Variants in TMEM205 observed in about 807,000 individuals in gnomAD.
TMEM205 encodes the protein MBC3205.
Under a neutral mutation model 17.9 loss-of-function variants are expected in TMEM205, and 11 were observed. The observed-to-expected ratio is 0.61, with a 90% CI of 0.39 to 1.02. TMEM205 has a LOEUF of 1.02. Among genes scored for constraint, TMEM205 ranks in the 50% least tolerant of loss-of-function variants. TMEM205 has a pLI of 0.01. For missense variants in TMEM205, 236 were observed against 239.4 expected (o/e 0.99, Z 0.09); for synonymous variants, 86 against 97.4 (o/e 0.88, Z 0.69).
In TMEM205 at chr19:11,345,578, G is replaced by C. The variant is rs776479364; in HGVS notation, c.42C>G (p.Val14=). 2 of 1,614,086 alleles carry C rather than the reference G, an allele frequency of 1.2e-6. No individual in the cohort carries two copies. Among genetic ancestry groups the C allele is most frequent in the Admixed American group, 1.7e-5 (1 of 60,010 alleles). ...GGNLGGLIKM[V]HLLVLSGAWG... is the part of the protein sequence containing the mutation. ...AGGCACCTGACAAGACCAGTAGATG[G>C]ACCATCTTAATCAGGCCTCCTAGGT... The change falls in exon 1 of 3, where the codon GTC becomes GTG. Residue 14 remains valine (V), a synonymous_variant. Coordinates refer to ENST00000354882, the MANE Select transcript of TMEM205 (RefSeq NM_198536.3).
rs1479579560 is a variant in TMEM205 at position 11,342,862 on chromosome 19, T to G, written c.523A>C (p.Asn175His). 1 of 1,614,084 alleles carries G rather than the reference T, an allele frequency of 6.2e-7. No homozygotes were observed. Among genetic ancestry groups the G allele is most frequent in the South Asian group, 1.1e-5 (1 of 91,086 alleles). Residue 175 changes from asparagine (N) to histidine (H), a missense_variant, in exon 3 of 3, where the codon AAT becomes CAT. Coordinates refer to ENST00000354882, the MANE Select transcript of TMEM205 (RefSeq NM_198536.3). ...SLCNLGCVLS[N>H]GLCLAGLALE... is the part of the protein sequence containing the mutation. Reference sequence around the variant, plus strand: ...GCAAGGCCAGCGAGACAGAGCCCATTGCTCAGGACGCAGCCCAGATTGCAA... The same window carrying G: ...GCAAGGCCAGCGAGACAGAGCCCATGGCTCAGGACGCAGCCCAGATTGCAA...
intron 2 of TMEM205, among the ~76,000 whole-genome samples, chr19:11,343,353 C>T (rs1178652190): frequency 6.6e-6 from 1 of 152,194 alleles, no homozygotes; most frequent in Non-Finnish European, 1.5e-5. Context: ...CCCACCTCCT[C>T]TATCCCCCCG....
intron 2 of TMEM205, among the ~76,000 whole-genome samples, chr19:11,344,532 C>T (rs185306120): frequency 2.6e-5 from 4 of 152,260 alleles, no homozygotes; most frequent in East Asian, 1.9e-4. Flanking sequence ...AGTTTCTTGC[C>T]TTGTGGCCAG....
Position 11,342,911 on chromosome 19 carries a change from G to T in TMEM205, c.474C>A (p.Phe158Leu). 1 of 1,614,218 alleles carries T rather than the reference G, an allele frequency of 6.2e-7. No individual in the cohort carries two copies. The change falls in exon 3 of 3, where the codon TTC becomes TTA. Residue 158 changes from phenylalanine (F) to leucine (L), a missense_variant. Transcript: ENST00000354882. ...PKYSALRQNFFRYHGLSSLCN... is the reference protein window; with the variant it reads ...PKYSALRQNFLRYHGLSSLCN... Reference sequence around the variant, plus strand: ...AAAGAGAGGACAGCCCATGGTAGCGGAAGAAATTCTGGCGGAGAGCACTGT... The same window carrying T: ...AAAGAGAGGACAGCCCATGGTAGCGTAAGAAATTCTGGCGGAGAGCACTGT...
intron 2 of TMEM205, among the ~76,000 whole-genome samples, chr19:11,344,436 T>G (rs1967063078): frequency 6.6e-6 from 1 of 152,150 alleles, no homozygotes; most frequent in Non-Finnish European, 1.5e-5. Context: ...TTGAAACACC[T>G]GTCAGGTCTC....
At position 11,343,132 on chromosome 19, in the gene TMEM205, A is replaced by T; in HGVS notation, c.265-12T>A. ...AACAGCAGGTAAAGCTGGCAGGGAGAGCAGAGGAGAAGGTGAGCCATGCCT... is the reference window on the plus strand; with the variant it reads ...AACAGCAGGTAAAGCTGGCAGGGAGTGCAGAGGAGAAGGTGAGCCATGCCT... On this transcript the variant is annotated splice_polypyrimidine_tract_variant and intron_variant, in intron 2 of 2. Transcript: ENST00000354882. The T allele has an allele frequency of 6.2e-7, 1 of 1,602,292 alleles. No individual in the cohort carries two copies. Among genetic ancestry groups the T allele is most frequent in the African/African-American group, 1.3e-5 (1 of 74,500 alleles).
In TMEM205 at chr19:11,345,421, G is replaced by A. The variant is rs752536092; in HGVS notation, c.101-6C>T. The stretch of plus-strand genomic sequence containing the variant: ...GCTTCGGAAAAGCAGGAAGCCTGCA[G>A]GGTATGGGGACCACAGGGGTGTTAG... On this transcript the variant is annotated splice_polypyrimidine_tract_variant and splice_region_variant and intron_variant, in intron 1 of 2. Transcript: ENST00000354882. The A allele has an allele frequency of 1.4e-5, 22 of 1,614,036 alleles. No individual in the cohort carries two copies. Among genetic ancestry groups the A allele is most frequent in the Non-Finnish European group, 1.4e-5 (16 of 1,180,026 alleles).
rs990068146 is a variant in TMEM205 at position 11,345,992 on chromosome 19, T to C, written c.-373A>G. 1.1e-4 allele frequency: 28 copies of C among 248,590 alleles called. No homozygotes were observed. Among genetic ancestry groups the C allele is most frequent in the African/African-American group, 6.3e-4 (27 of 43,032 alleles). 15.4% of individuals were successfully genotyped at this position (248,590 alleles called of 1,614,324 possible). On this transcript the variant is annotated 5_prime_UTR_variant, in exon 1 of 3. Coordinates refer to ENST00000354882, the MANE Select transcript of TMEM205 (RefSeq NM_198536.3). Reference sequence around the variant, plus strand: ...CAGTTCTGACAGCCAAGACCACTCCTCTCATAAAATAATACCGGATATTAG... The same window carrying C: ...CAGTTCTGACAGCCAAGACCACTCCCCTCATAAAATAATACCGGATATTAG...
In TMEM205 at chr19:11,343,109, C is replaced by G. The variant is rs185282123; in HGVS notation, c.276G>C (p.Leu92=). The stretch of plus-strand genomic sequence containing the variant: ...CAGTGGCCAGCGTAAGGCTCAGGAA[C>G]AGCAGGTAAAGCTGGCAGGGAGAGC... ...TFWEASQLYL[L]FLSLTLATVN... is the part of the protein sequence containing the mutation. Residue 92 remains leucine, a synonymous_variant, in exon 3 of 3, where the codon CTG becomes CTC. Transcript: ENST00000354882. 7.4e-6 allele frequency: 12 copies of G among 1,610,892 alleles called. No homozygotes were observed. The Admixed American group carries it at 1.2e-4, about 16-fold the overall frequency.
rs917890942 is a variant in TMEM205, at chr19:11,345,808, C to G, written c.-189G>C. On this transcript the variant is annotated 5_prime_UTR_variant, in exon 1 of 3. Coordinates refer to ENST00000354882, the MANE Select transcript of TMEM205 (RefSeq NM_198536.3). ...TCAAGGCCCAAAGACAACCCTCGAC[C>G]CCATCTCTCCAAATGTCAGCCCTCA... 8.7e-7 allele frequency: 1 copy of G among 1,149,644 alleles called. No homozygotes were observed. Among genetic ancestry groups the G allele is most frequent in the Non-Finnish European group, 1.2e-6 (1 of 848,928 alleles). 71.2% of individuals were successfully genotyped at this position (1,149,644 alleles called of 1,614,324 possible). A position where few individuals can be genotyped will look rare whatever the true frequency, so the allele number is the denominator to read the frequency against.
At position 11,342,876 on chromosome 19, in the gene TMEM205, C is replaced by T. The variant is rs1467555573; in HGVS notation, c.509G>A (p.Gly170Asp). ...ACAGAGCCCATTGCTCAGGACGCAG[C>T]CCAGATTGCAAAGAGAGGACAGCCC... ...YHGLSSLCNLGCVLSNGLCLA... is the reference protein window; with the variant it reads ...YHGLSSLCNLDCVLSNGLCLA... Residue 170 changes from glycine to aspartate, a missense_variant, in exon 3 of 3, where the codon GGC becomes GAC. Physicochemically the swap from Gly to Asp is moderately conservative, Grantham distance 94. Transcript: ENST00000354882. 6.2e-7 allele frequency: 1 copy of T among 1,614,198 alleles called. No individual in the cohort carries two copies. Among genetic ancestry groups the T allele is most frequent in the Admixed American group, 1.7e-5 (1 of 60,016 alleles).
chr19:11,345,054 C>T lies in TMEM205; in HGVS notation c.264+198G>A, dbSNP rs1465149523. ...TGTATTTTTAGTAGAGACGGGGTTTCACCATGTTGGTCAGGCTGGTCTTGA... is the reference window on the plus strand; with the variant it reads ...TGTATTTTTAGTAGAGACGGGGTTTTACCATGTTGGTCAGGCTGGTCTTGA... On this transcript the variant is annotated intron_variant, in intron 2 of 2. Transcript: ENST00000354882. 5.8e-6 allele frequency: 3 copies of T among 517,988 alleles called. No homozygotes were observed. In the South Asian group the frequency reaches 6.4e-5, roughly 11 times the overall value. 32.1% of individuals were successfully genotyped at this position (517,988 alleles called of 1,614,324 possible).
rs199647864 is a variant in TMEM205 at position 11,342,910 on chromosome 19, G to A, written c.475C>T (p.Arg159Cys). The A allele has an allele frequency of 1.6e-5, 26 of 1,614,198 alleles. No homozygotes were observed. Among genetic ancestry groups the A allele is most frequent in the Admixed American group, 3.3e-5 (2 of 60,018 alleles). ...KYSALRQNFF[R>C]YHGLSSLCNL... is the part of the protein sequence containing the mutation. The stretch of plus-strand genomic sequence containing the variant: ...CAAAGAGAGGACAGCCCATGGTAGC[G>A]GAAGAAATTCTGGCGGAGAGCACTG... The change falls in exon 3 of 3, where the codon CGC becomes TGC. Residue 159 changes from arginine to cysteine, a missense_variant. Coordinates refer to ENST00000354882, the MANE Select transcript of TMEM205 (RefSeq NM_198536.3).
At chr19:11,343,799 C>T (rs1418344021) in intron 2 of TMEM205, among the ~76,000 whole-genome samples, 2 of 151,842 alleles carry the variant, frequency 1.3e-5, no homozygotes, top group Non-Finnish European at 2.9e-5. Context: ...ACAAACAAAA[C>T]AAAACAAAAA....
At chr19:11,345,114 C>T in intron 2 of TMEM205, 138 bp downstream of exon 2, 1 of 920,036 alleles carries the variant, frequency 1.1e-6, no homozygotes, top group South Asian at 1.7e-5. Context: ...CCTCGGCCTC[C>T]CAAAGTGTTG....
Position 11,346,239 on chromosome 19 carries a change from C to A in TMEM205, c.-620G>T. 3.0e-6 allele frequency: 1 copy of A among 333,082 alleles called. No individual in the cohort carries two copies. The highest frequency in any genetic ancestry group is 5.6e-6 in the Non-Finnish European group (1 of 179,888). The allele number at this position is 333,082 out of a possible 1,614,324, so 20.6% of individuals were successfully genotyped here. ...CCCACGCCCCCGGGTGGACAGCGAC[C>A]CTCCTCGGCCGCGTCCCCTCGTGGG... On this transcript the variant is annotated 5_prime_UTR_variant, in exon 1 of 3. Transcript: ENST00000354882.
At chr19:11,343,838 G>A (rs750641870) in intron 2 of TMEM205, among the ~76,000 whole-genome samples, 1 of 152,004 alleles carries the variant, frequency 6.6e-6, no homozygotes, top group Non-Finnish European at 1.5e-5. Flanking sequence ...GGTGGCTCAT[G>A]CCTGTAATCT....
In TMEM205 at chr19:11,343,001, C is replaced by G. The variant is rs1568304575; in HGVS notation, c.384G>C (p.Gly128=). 4 of 1,614,176 alleles carry G rather than the reference C, an allele frequency of 2.5e-6. No individual in the cohort carries two copies. Among genetic ancestry groups the G allele is most frequent in the Non-Finnish European group, 3.4e-6 (4 of 1,180,038 alleles). The change falls in exon 3 of 3, where the codon GGG becomes GGC. Residue 128 remains glycine, a synonymous_variant. Transcript: ENST00000354882. ...QTVEKERGLG[G]EVPGSHQGPD... is the part of the protein sequence containing the mutation. The stretch of plus-strand genomic sequence containing the variant: ...GACCCTGGTGGCTGCCTGGTACCTC[C>G]CCACCCAGGCCTCGCTCCTTCTCCA...
In TMEM205 at chr19:11,345,645, G is replaced by C. The variant is rs749801202; in HGVS notation, c.-26C>G. On this transcript the variant is annotated 5_prime_UTR_variant, in exon 1 of 3. Coordinates refer to ENST00000354882, the MANE Select transcript of TMEM205 (RefSeq NM_198536.3). ...CTTGCAGTCCTGGGAAGGAGGCACC[G>C]GGTGGCTCAGAACTTTACCTTTGCC... 3 of 1,612,968 alleles carry C rather than the reference G, an allele frequency of 1.9e-6. No individual in the cohort carries two copies. Among genetic ancestry groups the C allele is most frequent in the African/African-American group, 1.3e-5 (1 of 74,888 alleles).
Sources: gnomAD v4.1 joint callset for allele counts (sites outside exome capture counted in the v4.1 genomes callset) on GRCh38, gnomAD v4.1.1 for gene constraint, MANE v1.5 for transcripts, NCBI Gene and HGNC (gene_info 2026-07-23, HGNC 2026-07-21) for gene names.